DLGAP2: variants seen among roughly 807,000 people sequenced by gnomAD.
The protein encoded by DLGAP2 is disks large-associated protein 2.
A neutral mutation model predicts 100.3 loss-of-function variants in DLGAP2; 26 were observed. That is an observed-to-expected ratio of 0.26 (90% confidence interval 0.19 to 0.36). The LOEUF is 0.36. Ranked by LOEUF, DLGAP2 falls within the 10% of genes least tolerant of loss-of-function variation. DLGAP2 has a pLI of 1.00. For missense variants in DLGAP2, 1,858 were observed against 1,453.2 expected, an observed-to-expected ratio of 1.28 and a Z score of -4.53; for synonymous variants, 886 against 630.1, an observed-to-expected ratio of 1.41 and a Z score of -6.08.
At chr8:1,580,470 C>A (rs1391114580) in intron 6 of DLGAP2, among the ~76,000 whole-genome samples, 1 of 152,164 alleles carries the variant, frequency 6.6e-6, no homozygotes, top group Non-Finnish European at 1.5e-5. Flanking sequence ...AAAAGAGCAT[C>A]CGAGAGCTGC....
At chr8:889,647 G>A (rs1377597895) in intron 1 of DLGAP2, among the ~76,000 whole-genome samples, 1 of 152,224 alleles carries the variant, frequency 6.6e-6, no homozygotes, top group African/African-American at 2.4e-5. Flanking sequence ...CTCCAGTAGG[G>A]GAAGAGCGCA....
chr8:1,682,715 C>T (rs1360088937), intron 12 of DLGAP2, among the ~76,000 whole-genome samples: 1 of 151,506 alleles, frequency 6.6e-6, no homozygotes, highest in Non-Finnish European at 1.5e-5. Context: ...CTCAAGTGAT[C>T]TGCCCCCCTT....
chr8:1,468,053 A>G (rs944558553), intron 3 of DLGAP2, among the ~76,000 whole-genome samples: 3 of 152,236 alleles, frequency 2.0e-5, no homozygotes, highest in Non-Finnish European at 4.4e-5. Context: ...TGTGGCTTGC[A>G]TCTTGACCCC....
At chr8:988,994 C>A (rs1016493657) in intron 2 of DLGAP2, among the ~76,000 whole-genome samples, 1 of 152,214 alleles carries the variant, frequency 6.6e-6, no homozygotes, top group Non-Finnish European at 1.5e-5. Flanking sequence ...GCTGCCTGCA[C>A]TGCCTCCGCT....
intron 2 of DLGAP2, chr8:927,320 G>T: frequency 1.2e-6 from 1 of 824,554 alleles, no homozygotes; most frequent in Admixed American, 6.2e-5. Context: ...ACTTGAACAT[G>T]TTGATTCAAT....
chr8:849,847 G>A (rs1404682657), intron 1 of DLGAP2, among the ~76,000 whole-genome samples: 1 of 152,062 alleles, frequency 6.6e-6, no homozygotes. Flanking sequence ...GGAGGCCAAG[G>A]TGGGCCAGGA....
intron 3 of DLGAP2, among the ~76,000 whole-genome samples, chr8:1,414,011 C>T (rs887633825): frequency 1.3e-5 from 2 of 152,292 alleles, no homozygotes; most frequent in African/African-American, 4.8e-5. Flanking sequence ...AAAAGTGCAG[C>T]TCAGGGCACC....
rs79868066 is a variant in DLGAP2, at chr8:1,587,377, C to T, written c.1442+21483C>T. Among the ~76,000 whole-genome samples, 561 of 152,240 alleles carry T rather than the reference C, an allele frequency of 3.7e-3. 31 individuals carry two copies. The East Asian group carries it at 0.097, about 26-fold the overall frequency. On this transcript the variant is annotated intron_variant, in intron 6 of 14. Transcript: ENST00000637795. ...TGGGGTGAGGCCAGAGAGGAACTGG[C>T]TCTTGGGTGGATTTATACATTTTCA...
intron 2 of DLGAP2, among the ~76,000 whole-genome samples, chr8:1,215,342 G>C (rs1798192354): frequency 6.6e-6 from 1 of 152,230 alleles, no homozygotes; most frequent in South Asian, 2.1e-4. Context: ...AGCTGAGGCT[G>C]GTTGAGAGCT....
At position 1,330,919 on chromosome 8, in the gene DLGAP2, G is replaced by GGGGACTGAGTTCTGGGT. The variant is rs536627237; in HGVS notation, c.106+72058_106+72074dup. 2.7e-3 allele frequency among the ~76,000 whole-genome samples: 395 copies of GGGGACTGAGTTCTGGGT among 146,746 alleles called. 6 individuals carry two copies. Among genetic ancestry groups the GGGGACTGAGTTCTGGGT allele is most frequent in the African/African-American group, 9.6e-3 (372 of 38,644 alleles). ...GTTCTGTGTGGGAGCACCACTTCAT[G>GGGGACTGAGTTCTGGGT]GGGACTGAGTTCTGGGTGGGACTGA... On this transcript the variant is annotated intron_variant, in intron 3 of 14. Transcript: ENST00000637795.
chr8:1,263,194 G>C (rs1222522197), intron 3 of DLGAP2, among the ~76,000 whole-genome samples: 3 of 152,166 alleles, frequency 2.0e-5, no homozygotes, highest in East Asian at 1.9e-4. Flanking sequence ...ACTTTAAGAA[G>C]CAATAGATGA....
chr8:1,659,465 G>A (rs542051524), intron 8 of DLGAP2, among the ~76,000 whole-genome samples: 105 of 152,284 alleles, frequency 6.9e-4, no homozygotes, highest in African/African-American at 2.4e-3. Flanking sequence ...CACTATTATT[G>A]TGTGGGAGTC....
chr8:1,234,557 A>G (rs1211912000), intron 2 of DLGAP2, among the ~76,000 whole-genome samples: 1 of 152,204 alleles, frequency 6.6e-6, no homozygotes, highest in Non-Finnish European at 1.5e-5. Context: ...CTAAGGTCAC[A>G]TTCTGAGGTC....
At chr8:1,664,310 G>A (rs560209748) in intron 8 of DLGAP2, among the ~76,000 whole-genome samples, 5 of 152,198 alleles carry the variant, frequency 3.3e-5, no homozygotes, top group Non-Finnish European at 4.4e-5. Flanking sequence ...GGCTATGTCC[G>A]CTGGCCCGTC....
intron 3 of DLGAP2, among the ~76,000 whole-genome samples, chr8:1,324,246 G>T (rs1459563998): frequency 6.6e-6 from 1 of 152,202 alleles, no homozygotes; most frequent in Non-Finnish European, 1.5e-5. Context: ...CATAAGAACA[G>T]AATGGTGTTT....
intron 2 of DLGAP2, among the ~76,000 whole-genome samples, chr8:1,171,914 G>C (rs1355029863): frequency 6.6e-6 from 1 of 152,234 alleles, no homozygotes; most frequent in East Asian, 1.9e-4. Flanking sequence ...GTGTGAATTT[G>C]ATCCTGTCAT....
intron 1 of DLGAP2, among the ~76,000 whole-genome samples, chr8:762,734 G>C (rs1022619603): frequency 2.6e-5 from 4 of 152,078 alleles, no homozygotes; most frequent in African/African-American, 9.7e-5. Flanking sequence ...CGGTGGCACA[G>C]TCACCACAAT....
intron 1 of DLGAP2, among the ~76,000 whole-genome samples, chr8:813,171 A>T (rs1796402399): frequency 6.6e-6 from 1 of 152,162 alleles, no homozygotes; most frequent in Non-Finnish European, 1.5e-5. Flanking sequence ...ATATTTTCTT[A>T]CCTTATTATA....
Position 1,632,978 on chromosome 8 carries a change from C to T in DLGAP2, c.1742C>T (p.Ser581Phe). The T allele has an allele frequency of 6.2e-7, 1 of 1,613,984 alleles. No individual in the cohort carries two copies. Among genetic ancestry groups the T allele is most frequent in the South Asian group, 1.1e-5 (1 of 91,078 alleles). ...SYLRAIQAGY[S>F]QDDECIPMMT... is the part of the protein sequence containing the mutation. ...CTTCGAGCCATTCAAGCCGGCTACT[C>T]CCAAGATGACGAATGTATTCCCATG... Residue 581 changes from serine to phenylalanine, a missense_variant, in exon 8 of 15, where the codon TCC becomes TTC. Transcript: ENST00000637795.
Sources: allele counts gnomAD v4.1 joint callset (sites outside exome capture counted in the v4.1 genomes callset), GRCh38; gene constraint gnomAD v4.1.1; transcripts MANE v1.5; gene names NCBI Gene and HGNC (gene_info 2026-07-23, HGNC 2026-07-21).